The following INTS1 variants were observed in gnomAD, a reference collection of about 807,000 sequenced individuals.
INTS1 encodes the protein integrator complex subunit 1.
Under a neutral mutation model 241.6 loss-of-function variants are expected in INTS1, and 137 were observed. The observed-to-expected ratio is 0.57, with a 90% CI of 0.49 to 0.65. The LOEUF is 0.65. Among genes scored for constraint, INTS1 ranks in the 30% least tolerant of loss-of-function variants. The pLI is 0.00. For synonymous variants in INTS1, 1,692 were observed against 1,337.8 expected (o/e 1.26, Z -5.78); for missense variants, 3,073 against 3,032.2 (o/e 1.01, Z -0.32).
At chr7:1,474,387 G>A in intron 40 of INTS1, 27 bp from the exon 41 acceptor site, 1 of 1,552,810 alleles carries the variant, frequency 6.4e-7, no homozygotes, top group Non-Finnish European at 8.7e-7. Flanking sequence ...GGCCCAGTCA[G>A]CCCCGGCCGG....
rs552450085 is a variant in INTS1 at position 1,482,493 on chromosome 7, G to A, written c.3703+53C>T. ...CCAGGCCCACAAGGAGCAGGCAAGGGGCCCGGGACCCCTGAGTCAGCAGCC... is the reference window on the plus strand; with the variant it reads ...CCAGGCCCACAAGGAGCAGGCAAGGAGCCCGGGACCCCTGAGTCAGCAGCC... On this transcript the variant is annotated intron_variant, in intron 27 of 47. Coordinates refer to ENST00000404767, the MANE Select transcript of INTS1 (RefSeq NM_001080453.3). The A allele has an allele frequency of 1.4e-5, 22 of 1,538,110 alleles. No homozygotes were observed. The African/African-American group carries it at 2.3e-4, about 16-fold the overall frequency.
In INTS1 at chr7:1,478,391, G is replaced by A. The variant is rs763388110; in HGVS notation, c.4605C>T (p.Ser1535=). 10 of 1,612,576 alleles carry A rather than the reference G, an allele frequency of 6.2e-6. No individual in the cohort carries two copies. Among genetic ancestry groups the A allele is most frequent in the Middle Eastern group, 1.6e-4 (1 of 6,080 alleles). ...CTTTGCTGATCAGGTCCGGCTCCAC[G>A]CTGCACTGCTCCCCAGACCTCAGGG... The part of the protein sequence containing the change: ...IATLRSGEQC[S]VEPDLISKVL... The change falls in exon 33 of 48, where the codon AGC becomes AGT. Residue 1535 remains serine, a synonymous_variant. Transcript: ENST00000404767.
rs547691452 is a variant in INTS1, at chr7:1,492,682, T to G, written c.2165+328A>C. 2.6e-4 allele frequency among the ~76,000 whole-genome samples: 39 copies of G among 152,270 alleles called. 1 individual carries two copies. Among genetic ancestry groups the G allele is most frequent in the African/African-American group, 8.9e-4 (37 of 41,556 alleles). ...ACAGGAGAAAAAGGTATGACTGAGCTGGAGACACCGGGGAAGACAACGGGG... is the reference window on the plus strand; with the variant it reads ...ACAGGAGAAAAAGGTATGACTGAGCGGGAGACACCGGGGAAGACAACGGGG... On this transcript the variant is annotated intron_variant, in intron 16 of 47. Coordinates refer to ENST00000404767, the MANE Select transcript of INTS1 (RefSeq NM_001080453.3).
At position 1,499,508 on chromosome 7, in the gene INTS1, C is replaced by T. The variant is rs916671509; in HGVS notation, c.809G>A (p.Gly270Glu). ...RMPPRSVLLQ[G>E]EAGRVAGDLG... ...GTCGCCCGCAACGCGGCCCGCCTCC[C>T]CCTGCAGCAGCACGCTCCTGGGGGG... Residue 270 changes from glycine (G) to glutamate (E), a missense_variant, in exon 6 of 48, where the codon GGG (glycine) becomes GAG (glutamate). Coordinates refer to ENST00000404767, the MANE Select transcript of INTS1 (RefSeq NM_001080453.3). 1 of 1,611,092 alleles carries T rather than the reference C, an allele frequency of 6.2e-7. No individual in the cohort carries two copies. The highest frequency in any genetic ancestry group is 8.5e-7 in the Non-Finnish European group (1 of 1,178,702).
rs1208661114 is a variant in INTS1 at position 1,485,085 on chromosome 7, C to T, written c.3261+13G>A. The T allele has an allele frequency of 1.3e-6, 2 of 1,583,962 alleles. No homozygotes were observed. The highest frequency in any genetic ancestry group is 1.3e-5 in the African/African-American group (1 of 74,582). ...CCCCAGGGCCACACTGCTGGCTGAC[C>T]CTGCTGCCTCACCAGGGCCAGGTCG... On this transcript the variant is annotated intron_variant, in intron 24 of 47. Coordinates refer to ENST00000404767, the MANE Select transcript of INTS1 (RefSeq NM_001080453.3).
chr7:1,483,961 A>G, intron 25 of INTS1, 42 bp downstream of exon 25: 1 of 1,591,600 alleles, frequency 6.3e-7, no homozygotes, highest in South Asian at 1.1e-5. Context: ...CCAGCCGTAG[A>G]CCTCCTCGCC....
rs112776784 is a variant in INTS1 at position 1,486,827 on chromosome 7, G to A, written c.2827-53C>T. The A allele has an allele frequency of 7.9e-5, 126 of 1,602,466 alleles. 3 individuals carry two copies. The African/African-American group carries it at 1.1e-3, about 14-fold the overall frequency. Reference sequence around the variant, plus strand: ...TGCAGGTGACAGGCCAGGCGGGTAGGACGTGGGGTGCGCGGCTGGTGGGCT... The same window carrying A: ...TGCAGGTGACAGGCCAGGCGGGTAGAACGTGGGGTGCGCGGCTGGTGGGCT... On this transcript the variant is annotated intron_variant, in intron 21 of 47. Transcript: ENST00000404767.
In INTS1 at chr7:1,493,622, C is replaced by T; in HGVS notation, c.2068+132G>A. 1.6e-6 allele frequency: 2 copies of T among 1,218,066 alleles called. No individual in the cohort carries two copies. The highest frequency in any genetic ancestry group is 2.2e-6 in the Non-Finnish European group (2 of 905,298). The allele number at this position is 1,218,066 out of a possible 1,614,324, so 75.5% of individuals were successfully genotyped here. A position where few individuals can be genotyped will look rare whatever the true frequency, so the allele number is the denominator to read the frequency against. On this transcript the variant is annotated intron_variant, in intron 15 of 47. Transcript: ENST00000404767. This position sits in a 1 kb window ranked among gnomAD's most constrained non-coding sequence, Gnocchi z 5.3. Reference sequence around the variant, plus strand: ...ATGTGGAGAAGGCAGGTCCCCGAGCCTCCCGGGGACCCAGGACCCAGCTGA... The same window carrying T: ...ATGTGGAGAAGGCAGGTCCCCGAGCTTCCCGGGGACCCAGGACCCAGCTGA...
At chr7:1,487,546 A>G in intron 19 of INTS1, 97 bp from the exon 20 acceptor site, 2 of 1,459,042 alleles carry the variant, frequency 1.4e-6, no homozygotes, top group Middle Eastern at 4.9e-4. Context: ...GGCAGCCGAC[A>G]GCCCGAGACG....
intron 9 of INTS1, 62 bp from the exon 10 acceptor site, chr7:1,498,615 CCCCCA>C: frequency 6.3e-7 from 1 of 1,589,222 alleles, no homozygotes; most frequent in Non-Finnish European, 8.5e-7. Context: ...TCCGCCTGTG[CCCCCA>C]CTCCGCCCGC....
intron 30 of INTS1, 63 bp downstream of exon 30, chr7:1,480,254 A>AGGGAAG: frequency 6.5e-7 from 1 of 1,529,348 alleles, no homozygotes; most frequent in Non-Finnish European, 8.8e-7. Flanking sequence ...GCGAGGCGGC[A>AGGGAAG]GCGAAGGCTG....
Position 1,504,384 on chromosome 7 carries a change from G to T in INTS1, c.-103C>A, listed in dbSNP as rs961558592. 2.1e-6 allele frequency: 1 copy of T among 476,538 alleles called. No individual in the cohort carries two copies. Among genetic ancestry groups the T allele is most frequent in the East Asian group, 6.7e-5 (1 of 14,858 alleles). 29.5% of individuals were successfully genotyped at this position (476,538 alleles called of 1,614,324 possible). On this transcript the variant is annotated 5_prime_UTR_variant, in exon 1 of 48. Transcript: ENST00000404767. Reference sequence around the variant, plus strand: ...CCCGGCCACCCCGGAATCGGAAACCGATCTCACCGCCCTCGAGGACCCGAC... The same window carrying T: ...CCCGGCCACCCCGGAATCGGAAACCTATCTCACCGCCCTCGAGGACCCGAC...
chr7:1,488,274 G>A (rs1475782063), intron 18 of INTS1, among the ~76,000 whole-genome samples: 1 of 152,138 alleles, frequency 6.6e-6, no homozygotes, highest in African/African-American at 2.4e-5. Context: ...CGCCACCTAC[G>A]CTGGGAGCAT....
At chr7:1,486,544 C>A in intron 22 of INTS1, 81 bp downstream of exon 22, 1 of 1,469,488 alleles carries the variant, frequency 6.8e-7, no homozygotes, top group African/African-American at 1.4e-5. Flanking sequence ...GGATGACAGG[C>A]GTGAGCCACC....
rs777252395 is a variant in INTS1 at position 1,496,151 on chromosome 7, C to G, written c.1711+5G>C. On this transcript the variant is annotated splice_donor_5th_base_variant and intron_variant, in intron 12 of 47. Coordinates refer to ENST00000404767, the MANE Select transcript of INTS1 (RefSeq NM_001080453.3). The stretch of plus-strand genomic sequence containing the variant: ...AGCAGGGCCAGGCCACCCCCACATC[C>G]TTACTCCTCTTTTCTCCTTTGTCCC... The G allele has an allele frequency of 1.1e-5, 17 of 1,612,722 alleles. No individual in the cohort carries two copies. Among genetic ancestry groups the G allele is most frequent in the Non-Finnish European group, 1.4e-5 (17 of 1,178,928 alleles).
intron 16 of INTS1, among the ~76,000 whole-genome samples, chr7:1,491,708 C>A (rs1782555286): frequency 6.6e-6 from 1 of 152,154 alleles, no homozygotes; most frequent in African/African-American, 2.4e-5. Flanking sequence ...TGAAAACAGC[C>A]TGGGCAATAA....
rs182741272 is a variant in INTS1, at chr7:1,500,280, C to T, written c.436G>A (p.Val146Met). The change falls in exon 4 of 48, where the codon GTG becomes ATG. Residue 146 changes from valine to methionine, a missense_variant. Coordinates refer to ENST00000404767, the MANE Select transcript of INTS1 (RefSeq NM_001080453.3). Reference sequence around the variant, plus strand: ...GCGCGGGTGACCTTCAGCTGCTTCACGGCCCCGCACAGCACGCCCTCGATC... The same window carrying T: ...GCGCGGGTGACCTTCAGCTGCTTCATGGCCCCGCACAGCACGCCCTCGATC... Reference protein sequence around the residue: ...DRIEGVLCGAVKQLKVTRAKP... With the variant: ...DRIEGVLCGAMKQLKVTRAKP... 2.1e-5 allele frequency: 34 copies of T among 1,596,498 alleles called. No individual in the cohort carries two copies. The East Asian group carries it at 4.8e-4, about 22-fold the overall frequency.
In INTS1 at chr7:1,487,974, G is replaced by A. The variant is rs772612611; in HGVS notation, c.2319-17C>T. 2.5e-6 allele frequency: 4 copies of A among 1,611,998 alleles called. No individual in the cohort carries two copies. The highest frequency in any genetic ancestry group is 1.1e-5 in the South Asian group (1 of 91,052). On this transcript the variant is annotated splice_polypyrimidine_tract_variant and intron_variant, in intron 18 of 47. Coordinates refer to ENST00000404767, the MANE Select transcript of INTS1 (RefSeq NM_001080453.3). ...GAGTAGTTGCTAGGGCCAGACGGGG[G>A]AGCGTGTCACCCTGCCCCCCATGAA...
rs940673269 is a variant in INTS1 at position 1,497,961 on chromosome 7, C to T, written c.1425+451G>A. Among the ~76,000 whole-genome samples, 1 of 152,254 alleles carries T rather than the reference C, an allele frequency of 6.6e-6. No individual in the cohort carries two copies. The highest frequency in any genetic ancestry group is 1.5e-5 in the Non-Finnish European group (1 of 68,036). On this transcript the variant is annotated intron_variant, in intron 10 of 47. Coordinates refer to ENST00000404767, the MANE Select transcript of INTS1 (RefSeq NM_001080453.3). This position sits in a 1 kb window ranked among gnomAD's most constrained non-coding sequence, Gnocchi z 5.3. ...AGGCACAGGGGCTCATGCCTGTCAT[C>T]CCAGCACTTTGGGAGGTTGAGGCAG...
Sources: gnomAD v4.1 joint callset for allele counts (sites outside exome capture counted in the v4.1 genomes callset) on GRCh38, gnomAD v4.1.1 for gene constraint, Gnocchi (gnomAD v3.1) non-coding constraint, MANE v1.5 for transcripts, NCBI Gene and HGNC (gene_info 2026-07-23, HGNC 2026-07-21) for gene names.